GALNT13: variants seen among roughly 807,000 people sequenced by gnomAD.
GALNT13 encodes the protein polypeptide N-acetylgalactosaminyltransferase 13, also known as UDP-GalNAc:polypeptide N-acetylgalactosaminyltransferase 13.
GALNT13 carries 28 observed loss-of-function variants against 64.2 expected under a neutral mutation model. The ratio of observed to expected loss-of-function variants is 0.44; its 90% CI spans 0.32 to 0.60. The LOEUF is 0.60. Ranked by LOEUF, GALNT13 falls within the 20% of genes least tolerant of loss-of-function variation. The probability of loss-of-function intolerance (pLI) is 0.05; values close to 1 mark genes in which losing one functional copy is unlikely to be tolerated. For synonymous variants in GALNT13, 214 were observed against 224.6 expected, an observed-to-expected ratio of 0.95 and a Z score of 0.42; for missense variants, 577 against 669.8, an observed-to-expected ratio of 0.86 and a Z score of 1.53.
the GALNT13 span, among the ~76,000 whole-genome samples, chr2:153,499,508 C>G: frequency 1.3e-5 from 2 of 152,124 alleles, no homozygotes; most frequent in African/African-American, 4.8e-5. Context: ...GGGACCTGCC[C>G]CTTTCCACCC....
intron 8 of GALNT13, among the ~76,000 whole-genome samples, chr2:154,268,917 G>T (rs1691170873): frequency 6.6e-6 from 1 of 152,038 alleles, no homozygotes; most frequent in South Asian, 2.1e-4. Flanking sequence ...TCTTTTGTCA[G>T]TAACTAATAT....
intron 11 of GALNT13, chr2:154,436,588 C>A (rs1240110013): frequency 6.6e-6 from 1 of 152,002 alleles, no homozygotes; most frequent in Non-Finnish European, 1.5e-5. Context: ...TAGAAATTTT[C>A]TTCTCTCAGC....
chr2:154,130,243 C>A (rs527564307), intron 3 of GALNT13, among the ~76,000 whole-genome samples: 1 of 152,224 alleles, frequency 6.6e-6, no homozygotes, highest in East Asian at 1.9e-4. Flanking sequence ...CCTCATTCAT[C>A]TTCTGTCTCC....
chr2:154,446,136 G>T (rs188604987), intron 12 of GALNT13, among the ~76,000 whole-genome samples: 1 of 151,880 alleles, frequency 6.6e-6, no homozygotes, highest in Non-Finnish European at 1.5e-5. Context: ...ATTATCCTCT[G>T]AATTTGTCCC....
At position 154,132,734 on chromosome 2, in the gene GALNT13, T is replaced by TA. The variant is rs533770631; in HGVS notation, c.143-7592dup. On this transcript the variant is annotated intron_variant, in intron 3 of 12. Coordinates refer to ENST00000392825, the MANE Select transcript of GALNT13 (RefSeq NM_052917.4). The stretch of plus-strand genomic sequence containing the variant: ...AACATGAAAAAATAACATGAAAAAA[T>TA]AAAAAAAAAAATTAGCTGGGCGTGC... Among the ~76,000 whole-genome samples, 997 of 143,878 alleles carry TA rather than the reference T, an allele frequency of 6.9e-3. 11 individuals carry two copies. Among genetic ancestry groups the TA allele is most frequent in the Non-Finnish European group, 8.6e-3 (560 of 65,390 alleles). The allele number at this position is 143,878 out of a possible 152,430, so 94.4% of individuals were successfully genotyped here.
chr2:154,418,184 T>C (rs1183748665), intron 11 of GALNT13, among the ~76,000 whole-genome samples: 2 of 152,172 alleles, frequency 1.3e-5, no homozygotes, highest in African/African-American at 4.8e-5. Context: ...CCTGTTATCA[T>C]AAAAATAGCT....
intron 10 of GALNT13, among the ~76,000 whole-genome samples, chr2:154,405,386 A>T (rs1334456313): frequency 6.6e-6 from 1 of 152,056 alleles, no homozygotes; most frequent in African/African-American, 2.4e-5. Flanking sequence ...CACATATAGA[A>T]GATAAGCAAC....
the GALNT13 span, among the ~76,000 whole-genome samples, chr2:153,190,198 T>C: frequency 2.0e-5 from 3 of 152,076 alleles, no homozygotes; most frequent in Non-Finnish European, 2.9e-5. Context: ...GTTTCCCGTG[T>C]GTTTTCTTCT....
intron 8 of GALNT13, among the ~76,000 whole-genome samples, chr2:154,262,564 T>C (rs79972533): frequency 0.025 from 3,758 of 152,262 alleles, 77 homozygotes; most frequent in Non-Finnish European, 0.039. Flanking sequence ...CAACAATCAC[T>C]GCAATAACAT....
At chr2:153,100,960 C>G in the GALNT13 span, among the ~76,000 whole-genome samples, 1 of 152,008 alleles carries the variant, frequency 6.6e-6, no homozygotes, top group Non-Finnish European at 1.5e-5. Flanking sequence ...ACCCGAGAGG[C>G]AGAGGTTGCA....
At chr2:153,360,762 G>A in the GALNT13 span, among the ~76,000 whole-genome samples, 30 of 152,292 alleles carry the variant, frequency 2.0e-4, no homozygotes, top group South Asian at 4.6e-3. Flanking sequence ...CATAAGCTCC[G>A]TGGACCAGCA....
At chr2:154,066,594 G>T (rs942713428) in intron 3 of GALNT13, among the ~76,000 whole-genome samples, 2 of 151,928 alleles carry the variant, frequency 1.3e-5, no homozygotes, top group Middle Eastern at 3.4e-3. Context: ...AAGTGCTGAA[G>T]GAAAAAGCAT....
At chr2:154,217,741 A>T (rs1688120497) in intron 4 of GALNT13, among the ~76,000 whole-genome samples, 1 of 152,214 alleles carries the variant, frequency 6.6e-6, no homozygotes, top group Admixed American at 6.5e-5. Flanking sequence ...TTATAGTTAT[A>T]AAAAGAAAAT....
intron 8 of GALNT13, among the ~76,000 whole-genome samples, chr2:154,289,368 C>A (rs1050954639): frequency 6.6e-6 from 1 of 152,172 alleles, no homozygotes; most frequent in Admixed American, 6.6e-5. Context: ...AAGAAATACC[C>A]GAGACTAGGT....
intron 4 of GALNT13, among the ~76,000 whole-genome samples, chr2:154,168,118 C>T (rs1013323520): frequency 2.0e-5 from 3 of 152,012 alleles, no homozygotes; most frequent in Admixed American, 6.6e-5. Context: ...TGGTATGGAG[C>T]CTGGCCAACG....
the GALNT13 span, among the ~76,000 whole-genome samples, chr2:153,153,648 G>A: frequency 2.5e-4 from 37 of 146,502 alleles, 1 homozygote; most frequent in South Asian, 7.9e-3. Context: ...TGAGTAGGAA[G>A]TCCTTTCCCC....
chr2:153,928,014 T>C (rs1438525092), intron 2 of GALNT13, among the ~76,000 whole-genome samples: 1 of 152,132 alleles, frequency 6.6e-6, no homozygotes, highest in Non-Finnish European at 1.5e-5. Flanking sequence ...TAGAGTACCC[T>C]GTAAAAGCCC....
chr2:154,070,135 G>A (rs1467950835), intron 3 of GALNT13, among the ~76,000 whole-genome samples: 2 of 152,020 alleles, frequency 1.3e-5, no homozygotes, highest in Non-Finnish European at 2.9e-5. Context: ...AAATTTAAGG[G>A]GATTTACAAC....
At chr2:153,784,163 A>T in the GALNT13 span, among the ~76,000 whole-genome samples, 1 of 152,208 alleles carries the variant, frequency 6.6e-6, no homozygotes, top group East Asian at 1.9e-4. Context: ...GATGTGGGAA[A>T]GTTTGGAACT....
Sources: gnomAD v4.1 joint callset for allele counts (sites outside exome capture counted in the v4.1 genomes callset) on GRCh38, gnomAD v4.1.1 for gene constraint, MANE v1.5 for transcripts, NCBI Gene and HGNC (gene_info 2026-07-23, HGNC 2026-07-21) for gene names.